NKAIN2: variants seen among roughly 807,000 people sequenced by gnomAD.
The protein encoded by NKAIN2 is sodium/potassium transporting ATPase interacting 2.
In NKAIN2, 14 loss-of-function variants were observed where a neutral mutation model predicts 32.6. The ratio of observed to expected loss-of-function variants is 0.43; its 90% CI spans 0.28 to 0.67. The LOEUF is 0.67. Ranked by LOEUF, NKAIN2 falls within the 30% of genes least tolerant of loss-of-function variation. NKAIN2 has a pLI of 0.17. For missense variants in NKAIN2, 198 were observed against 258.3 expected, an observed-to-expected ratio of 0.77 and a Z score of 1.60; for synonymous variants, 80 against 87.2, an observed-to-expected ratio of 0.92 and a Z score of 0.46.
At position 124,257,262 on chromosome 6, in the gene NKAIN2, G is replaced by A. The variant is rs113267249; in HGVS notation, c.55-25743G>A. ...GAATCTCTAGCTTCAAGCCTTGGTT[G>A]CCCTTGCATGCACCTTTGAAAATGC... On this transcript the variant is annotated intron_variant, in intron 1 of 6. Coordinates refer to ENST00000368417, the MANE Select transcript of NKAIN2 (RefSeq NM_001040214.3). Among the ~76,000 whole-genome samples, 1,097 of 152,136 alleles carry A rather than the reference G, an allele frequency of 7.2e-3. 17 individuals are homozygous for A. Among genetic ancestry groups the A allele is most frequent in the African/African-American group, 0.025 (1,027 of 41,480 alleles).
chr6:123,825,827 C>T (rs777142589), intron 1 of NKAIN2, among the ~76,000 whole-genome samples: 17 of 152,026 alleles, frequency 1.1e-4, no homozygotes, highest in Non-Finnish European at 1.9e-4. Context: ...TGGTATGATA[C>T]GTGTTTTCAA....
intron 1 of NKAIN2, among the ~76,000 whole-genome samples, chr6:124,037,500 T>C (rs1781656980): frequency 6.6e-6 from 1 of 152,176 alleles, no homozygotes; most frequent in Non-Finnish European, 1.5e-5. Flanking sequence ...AAACATGTGC[T>C]ATTTGTAGAT....
chr6:123,824,722 C>T, intron 1 of NKAIN2, among the ~76,000 whole-genome samples: 1 of 143,068 alleles, frequency 7.0e-6, no homozygotes, highest in Admixed American at 6.7e-5. Context: ...TATCCCAGAA[C>T]TTAAAATTAA....
chr6:124,577,685 A>G lies in NKAIN2; in HGVS notation c.274-80501A>G, dbSNP rs147813523. 4.4e-3 allele frequency among the ~76,000 whole-genome samples: 671 copies of G among 152,164 alleles called. 6 individuals carry two copies. Among genetic ancestry groups the G allele is most frequent in the Admixed American group, 6.8e-3 (104 of 15,284 alleles). On this transcript the variant is annotated intron_variant, in intron 3 of 6. Coordinates refer to ENST00000368417, the MANE Select transcript of NKAIN2 (RefSeq NM_001040214.3). ...CTGGTGCTGTGCTTCGCTCACAGCC[A>G]GTGGATTTAGGGGTATGCAACCTAA...
At chr6:124,607,668 A>G (rs962229288) in intron 3 of NKAIN2, among the ~76,000 whole-genome samples, 3 of 152,068 alleles carry the variant, frequency 2.0e-5, no homozygotes, top group Non-Finnish European at 4.4e-5. Context: ...ACACACACAC[A>G]AACATATATA....
At chr6:124,632,920 A>G (rs1783625457) in intron 3 of NKAIN2, among the ~76,000 whole-genome samples, 1 of 152,206 alleles carries the variant, frequency 6.6e-6, no homozygotes, top group Non-Finnish European at 1.5e-5. Flanking sequence ...AATGCAAGGT[A>G]CAATTAATTT....
chr6:124,353,125 C>G (rs933002555), intron 2 of NKAIN2, among the ~76,000 whole-genome samples: 1 of 152,182 alleles, frequency 6.6e-6, no homozygotes, highest in East Asian at 1.9e-4. Flanking sequence ...TAATGATTTT[C>G]TCCATATTGC....
At position 124,231,000 on chromosome 6, in the gene NKAIN2, C is replaced by G. The variant is rs1269806112; in HGVS notation, c.55-52005C>G. 3.3e-5 allele frequency among the ~76,000 whole-genome samples: 5 copies of G among 152,218 alleles called. No individual in the cohort carries two copies. The East Asian group carries it at 7.7e-4, about 24-fold the overall frequency. Reference sequence around the variant, plus strand: ...TCTGCATCTGGAAAAGACACAGACACTCAATGCCAGACAGTGAAAGCAGCT... The same window carrying G: ...TCTGCATCTGGAAAAGACACAGACAGTCAATGCCAGACAGTGAAAGCAGCT... On this transcript the variant is annotated intron_variant, in intron 1 of 6. Coordinates refer to ENST00000368417, the MANE Select transcript of NKAIN2 (RefSeq NM_001040214.3).
chr6:124,121,934 T>C lies in NKAIN2; in HGVS notation c.55-161071T>C, dbSNP rs757034802. On this transcript the variant is annotated intron_variant, in intron 1 of 6. Coordinates refer to ENST00000368417, the MANE Select transcript of NKAIN2 (RefSeq NM_001040214.3). ...CTCTTATTATATTGTCCCACAAATA[T>C]CTTAACCGTGAGTTTTTCAGAGTAA... 65 of 1,216,850 alleles carry C rather than the reference T, an allele frequency of 5.3e-5. 2 individuals carry two copies. In the South Asian group the frequency reaches 7.8e-4, roughly 15 times the overall value. 75.4% of individuals were successfully genotyped at this position (1,216,850 alleles called of 1,614,324 possible). A position where few individuals can be genotyped will look rare whatever the true frequency, so the allele number is the denominator to read the frequency against.
At chr6:124,791,992 AC>A (rs1265726208) in intron 5 of NKAIN2, among the ~76,000 whole-genome samples, 2 of 152,048 alleles carry the variant, frequency 1.3e-5, no homozygotes, top group Admixed American at 6.6e-5. Flanking sequence ...AGATCACAGT[AC>A]CCTCTTACAA....
intron 4 of NKAIN2, among the ~76,000 whole-genome samples, chr6:124,699,437 C>G (rs770382808): frequency 5.9e-5 from 9 of 152,160 alleles, no homozygotes; most frequent in African/African-American, 2.2e-4. Context: ...CGGTTTTGAT[C>G]TCTGTCCCTG....
chr6:124,519,116 G>T (rs543443890), intron 3 of NKAIN2, among the ~76,000 whole-genome samples: 57 of 152,156 alleles, frequency 3.7e-4, no homozygotes, highest in Non-Finnish European at 6.6e-4. Flanking sequence ...ATCACTACTT[G>T]TGAGATCAGT....
chr6:124,016,107 TAC>T (rs1780561809), intron 1 of NKAIN2, among the ~76,000 whole-genome samples: 2 of 152,196 alleles, frequency 1.3e-5, no homozygotes, highest in Non-Finnish European at 2.9e-5. Context: ...TGGGGAATAT[TAC>T]TTACCATTTT....
At chr6:124,350,405 A>G (rs961007845) in intron 2 of NKAIN2, among the ~76,000 whole-genome samples, 4 of 151,892 alleles carry the variant, frequency 2.6e-5, no homozygotes, top group African/African-American at 7.2e-5. Flanking sequence ...GCCAGCTACT[A>G]AAATGAGAAA....
At chr6:124,798,683 C>T (rs1425176656) in intron 5 of NKAIN2, among the ~76,000 whole-genome samples, 1 of 152,146 alleles carries the variant, frequency 6.6e-6, no homozygotes, top group East Asian at 1.9e-4. Flanking sequence ...TTGTTTTGAA[C>T]TATGAGTTGT....
At chr6:124,718,927 A>G (rs989792152) in intron 4 of NKAIN2, among the ~76,000 whole-genome samples, 9 of 152,216 alleles carry the variant, frequency 5.9e-5, no homozygotes, top group African/African-American at 2.2e-4. Context: ...AATGAACTAC[A>G]ATTCATAATA....
At chr6:124,646,327 C>T (rs940525876) in intron 3 of NKAIN2, among the ~76,000 whole-genome samples, 5 of 151,872 alleles carry the variant, frequency 3.3e-5, no homozygotes, top group African/African-American at 1.2e-4. Context: ...CTATTAGACT[C>T]GCAAGACTTG....
chr6:124,348,255 G>T (rs1156445922), intron 2 of NKAIN2, among the ~76,000 whole-genome samples: 2 of 151,782 alleles, frequency 1.3e-5, no homozygotes, highest in Admixed American at 6.6e-5. Flanking sequence ...ACTGGGGGGT[G>T]CCTCTCAGGC....
intron 3 of NKAIN2, among the ~76,000 whole-genome samples, chr6:124,515,306 G>A (rs975779048): frequency 6.6e-6 from 1 of 152,002 alleles, no homozygotes; most frequent in Non-Finnish European, 1.5e-5. Context: ...AGAATGTTCA[G>A]AATTAAGTAT....
Sources: allele counts gnomAD v4.1 joint callset (sites outside exome capture counted in the v4.1 genomes callset), GRCh38; gene constraint gnomAD v4.1.1; transcripts MANE v1.5; gene names NCBI Gene and HGNC (gene_info 2026-07-23, HGNC 2026-07-21).